Variants in DCAF8L2 observed in about 807,000 individuals in gnomAD.
The protein encoded by DCAF8L2 is DDB1- and CUL4-associated factor 8-like protein 2.
For synonymous variants in DCAF8L2, 200 were observed against 190.9 expected (o/e 1.05, Z -0.39); for missense variants, 430 against 490.7 (o/e 0.88, Z 1.17).
At chrX:27,547,875 C>T in the DCAF8L2 span, among the ~76,000 whole-genome samples, 1 of 62,576 alleles carries the variant, frequency 1.6e-5, no homozygotes. Flanking sequence ...CTCTCTTTCT[C>T]TCTCTCTCTC....
At chrX:27,573,299 C>T in the DCAF8L2 span, among the ~76,000 whole-genome samples, 1 of 109,168 alleles carries the variant, frequency 9.2e-6, no homozygotes, top group Non-Finnish European at 1.9e-5. Flanking sequence ...GAGACATACA[C>T]AAACATCAGC....
chrX:27,528,022 T>TAAATTAAATTTTTAATTTAATTAATA, the DCAF8L2 span, among the ~76,000 whole-genome samples: 1 of 42,758 alleles, frequency 2.3e-5, no homozygotes, highest in South Asian at 1.5e-3. Flanking sequence ...TTTAATTAAT[T>TAAATTAAATTTTTAATTTAATTAATA]ATTAAATTAA....
intron 2 of DCAF8L2, among the ~76,000 whole-genome samples, chrX:27,651,997 TA>T (rs1260384652): frequency 9.1e-6 from 1 of 110,252 alleles, no homozygotes; most frequent in African/African-American, 3.3e-5. Context: ...TTTACTACTC[TA>T]TGTCAAGTAG....
At chrX:27,628,545 C>T (rs1928140137) in intron 1 of DCAF8L2, among the ~76,000 whole-genome samples, 1 of 111,165 alleles carries the variant, frequency 9.0e-6, no homozygotes, top group Non-Finnish European at 1.9e-5. Flanking sequence ...TACACTCCCA[C>T]CAACAGTGTG....
At chrX:27,711,272 GT>G (rs964556066) in intron 3 of DCAF8L2, among the ~76,000 whole-genome samples, 2 of 110,068 alleles carry the variant, frequency 1.8e-5, no homozygotes, top group African/African-American at 6.6e-5. Flanking sequence ...TTCTTTCTGT[GT>G]CTGGCGCATT....
chrX:27,574,903 T>G, the DCAF8L2 span, among the ~76,000 whole-genome samples: 1 of 111,553 alleles, frequency 9.0e-6, no homozygotes, highest in Admixed American at 9.5e-5. Flanking sequence ...TACAGGGTGC[T>G]CTTTTAGGCG....
intron 2 of DCAF8L2, among the ~76,000 whole-genome samples, chrX:27,668,496 T>A (rs1929821141): frequency 8.9e-6 from 1 of 111,883 alleles, no homozygotes; most frequent in African/African-American, 3.2e-5. Flanking sequence ...AAAGTTACCA[T>A]TTTCTGGACA....
chrX:27,745,614 T>G (rs1275811189), intron 4 of DCAF8L2, among the ~76,000 whole-genome samples: 1 of 112,409 alleles, frequency 8.9e-6, no homozygotes, highest in Non-Finnish European at 1.9e-5. Flanking sequence ...ACCATCCATT[T>G]TCTTTAGAAG....
chrX:27,676,392 G>A (rs1930140191), intron 2 of DCAF8L2, among the ~76,000 whole-genome samples: 1 of 111,752 alleles, frequency 8.9e-6, no homozygotes, highest in African/African-American at 3.3e-5. Context: ...TGATATGCAA[G>A]TATATGTAAG....
the DCAF8L2 span, among the ~76,000 whole-genome samples, chrX:27,477,954 T>C: frequency 8.9e-6 from 1 of 111,759 alleles, no homozygotes; most frequent in Non-Finnish European, 1.9e-5. Flanking sequence ...AGTAGGGATA[T>C]GTGGTCTGGT....
intron 4 of DCAF8L2, among the ~76,000 whole-genome samples, chrX:27,723,010 T>C (rs1190471655): frequency 1.8e-5 from 2 of 110,647 alleles, no homozygotes; most frequent in Non-Finnish European, 3.8e-5. Flanking sequence ...TAAAAGGATT[T>C]TATTCATTTA....
At chrX:27,470,548 C>T in the DCAF8L2 span, among the ~76,000 whole-genome samples, 1 of 112,089 alleles carries the variant, frequency 8.9e-6, no homozygotes, top group Non-Finnish European at 1.9e-5. Flanking sequence ...TGAACATAAA[C>T]AGTCAGCTAT....
At chrX:27,545,317 A>C in the DCAF8L2 span, among the ~76,000 whole-genome samples, 1 of 111,757 alleles carries the variant, frequency 8.9e-6, no homozygotes, top group Non-Finnish European at 1.9e-5. Flanking sequence ...TCTTCCAGTG[A>C]ATAATAATGG....
the DCAF8L2 span, chrX:27,518,267 A>G: frequency 1.2e-5 from 11 of 904,604 alleles, no homozygotes; most frequent in African/African-American, 2.2e-4. Flanking sequence ...CTGGCTAATG[A>G]TAGAATCCTA....
the DCAF8L2 span, among the ~76,000 whole-genome samples, chrX:27,534,424 T>G: frequency 8.9e-6 from 1 of 111,832 alleles, no homozygotes; most frequent in African/African-American, 3.2e-5. Flanking sequence ...TACAAATAAG[T>G]AGAGAATAAC....
intron 2 of DCAF8L2, among the ~76,000 whole-genome samples, chrX:27,677,532 C>A (rs1930181535): frequency 9.0e-6 from 1 of 110,929 alleles, no homozygotes; most frequent in Non-Finnish European, 1.9e-5. Flanking sequence ...TTCACTATGG[C>A]CCTGTTCCAA....
chrX:27,512,438 C>A, the DCAF8L2 span, among the ~76,000 whole-genome samples: 1 of 110,304 alleles, frequency 9.1e-6, no homozygotes, highest in Non-Finnish European at 1.9e-5. Flanking sequence ...AATCCCAGCA[C>A]TTTGGGGGGC....
At position 27,689,228 on chromosome X, in the gene DCAF8L2, T is replaced by C. The variant is rs764391383; in HGVS notation, c.-143+11316T>C. 2.7e-5 allele frequency among the ~76,000 whole-genome samples: 3 copies of C among 112,342 alleles called. No individual in the cohort carries two copies. In the East Asian group the frequency reaches 8.4e-4, roughly 32 times the overall value. ...ATGTACTCACATATACACCACAAGA[T>C]TGATTGACTGATTGATTGATTGATT... On this transcript the variant is annotated intron_variant, in intron 3 of 4. Coordinates refer to ENST00000451261, the MANE Select transcript of DCAF8L2 (RefSeq NM_001353450.2).
chrX:27,477,428 C>A, the DCAF8L2 span, among the ~76,000 whole-genome samples: 1 of 110,946 alleles, frequency 9.0e-6, no homozygotes, highest in Non-Finnish European at 1.9e-5. Flanking sequence ...GCTGGGACTA[C>A]AGGCGCCCAC....
Sources: allele counts gnomAD v4.1 joint callset (sites outside exome capture counted in the v4.1 genomes callset), GRCh38; gene constraint gnomAD v4.1.1; transcripts MANE v1.5; gene names NCBI Gene and HGNC (gene_info 2026-07-23, HGNC 2026-07-21).